NRG3: variants seen among roughly 807,000 people sequenced by gnomAD.
NRG3 encodes pro-neuregulin-3, membrane-bound isoform.
Under a neutral mutation model 66.9 loss-of-function variants are expected in NRG3, and 31 were observed. The ratio of observed to expected loss-of-function variants is 0.46; its 90% CI spans 0.35 to 0.63. NRG3 has a LOEUF of 0.63. NRG3 is among the 20% of genes least tolerant of loss of function. The pLI, the probability that NRG3 is intolerant of heterozygous loss-of-function variation, is 0.00. For missense variants in NRG3, 910 were observed against 878.9 expected (o/e 1.04, Z -0.45); for synonymous variants, 393 against 359.4 (o/e 1.09, Z -1.06).
intron 1 of NRG3, among the ~76,000 whole-genome samples, chr10:82,124,403 C>T (rs1465482724): frequency 2.0e-5 from 3 of 151,884 alleles, no homozygotes; most frequent in African/African-American, 7.3e-5. Context: ...ATGAAGTTCT[C>T]CCAAAATATA....
At chr10:82,468,891 G>T (rs982525252) in intron 2 of NRG3, among the ~76,000 whole-genome samples, 22 of 152,102 alleles carry the variant, frequency 1.4e-4, no homozygotes, top group African/African-American at 4.8e-4. Flanking sequence ...GAAAGAAAAA[G>T]AATCTTTGTA....
intron 2 of NRG3, among the ~76,000 whole-genome samples, chr10:82,411,225 C>T (rs976065829): frequency 4.6e-5 from 7 of 151,892 alleles, no homozygotes; most frequent in African/African-American, 1.5e-4. Flanking sequence ...GCTCCTGGCC[C>T]AGTGTTTTTT....
intron 4 of NRG3, among the ~76,000 whole-genome samples, chr10:82,889,090 A>G (rs1022860541): frequency 3.3e-5 from 5 of 152,160 alleles, no homozygotes; most frequent in Admixed American, 3.3e-4. Flanking sequence ...GGCTTTGAAC[A>G]CAGGAATGAC....
intron 3 of NRG3, among the ~76,000 whole-genome samples, chr10:82,828,654 A>G (rs1158864490): frequency 3.9e-5 from 6 of 152,200 alleles, no homozygotes; most frequent in Non-Finnish European, 8.8e-5. Flanking sequence ...TTACCATTAC[A>G]CATTTTTTAA....
At chr10:82,921,957 A>G (rs1462612609) in intron 4 of NRG3, among the ~76,000 whole-genome samples, 1 of 152,182 alleles carries the variant, frequency 6.6e-6, no homozygotes, top group Non-Finnish European at 1.5e-5. Flanking sequence ...AAAGATTTAA[A>G]TAATTTCATG....
intron 1 of NRG3, chr10:82,232,216 CA>C (rs1227436834): frequency 1.3e-5 from 2 of 152,742 alleles, no homozygotes; most frequent in Non-Finnish European, 2.9e-5. Context: ...AGATAAGCTC[CA>C]GTGTATGCAG....
chr10:82,209,371 A>G (rs1253879903), intron 1 of NRG3, among the ~76,000 whole-genome samples: 1 of 152,104 alleles, frequency 6.6e-6, no homozygotes, highest in African/African-American at 2.4e-5. Flanking sequence ...GAAACGTCAT[A>G]TTTTCTAATT....
chr10:82,749,108 G>A lies in NRG3; in HGVS notation c.1027+10458G>A, dbSNP rs1352401922. Among the ~76,000 whole-genome samples, 3 of 152,200 alleles carry A rather than the reference G, an allele frequency of 2.0e-5. No homozygotes were observed. The East Asian group carries it at 5.8e-4, about 29-fold the overall frequency. On this transcript the variant is annotated intron_variant, in intron 3 of 8. Coordinates refer to ENST00000372141, the MANE Select transcript of NRG3 (RefSeq NM_001010848.4). ...TGTGTAAAACTTGAGGGCTTGGAGA[G>A]AGGAGGGTTTTATTTAGTTTTGTCT...
At chr10:82,393,647 A>G (rs967055708) in intron 2 of NRG3, among the ~76,000 whole-genome samples, 12 of 152,198 alleles carry the variant, frequency 7.9e-5, no homozygotes, top group African/African-American at 2.9e-4. Flanking sequence ...TCATATCACC[A>G]GAAACATAAG....
intron 1 of NRG3, among the ~76,000 whole-genome samples, chr10:81,986,567 A>G (rs1319345711): frequency 6.6e-6 from 1 of 152,244 alleles, no homozygotes; most frequent in Non-Finnish European, 1.5e-5. Flanking sequence ...ATAAAACCTT[A>G]AAACTTTCAA....
At chr10:81,877,819 C>T (rs900780826) in intron 1 of NRG3, 4 of 1,424,460 alleles carry the variant, frequency 2.8e-6, no homozygotes, top group Non-Finnish European at 3.7e-6. Context: ...TTAGAGCCTC[C>T]ACTCAACAAA....
At chr10:82,611,338 T>C (rs2048299561) in intron 2 of NRG3, among the ~76,000 whole-genome samples, 1 of 152,112 alleles carries the variant, frequency 6.6e-6, no homozygotes, top group Non-Finnish European at 1.5e-5. Context: ...TACATAGGTA[T>C]ACATGTGCCC....
Position 82,709,714 on chromosome 10 carries a change from T to C in NRG3, c.954-28863T>C, listed in dbSNP as rs149743887. Among the ~76,000 whole-genome samples the C allele has an allele frequency of 4.5e-3, 683 of 152,240 alleles. 5 individuals carry two copies. Among genetic ancestry groups the C allele is most frequent in the African/African-American group, 0.015 (620 of 41,550 alleles). ...GGATGAGCCACATACCATGTCCCAC[T>C]AGTTGCAAGCAGAAAGCCTTACTTT... On this transcript the variant is annotated intron_variant, in intron 2 of 8. Coordinates refer to ENST00000372141, the MANE Select transcript of NRG3 (RefSeq NM_001010848.4).
intron 1 of NRG3, among the ~76,000 whole-genome samples, chr10:81,986,908 C>T (rs933761858): frequency 3.3e-5 from 5 of 152,104 alleles, no homozygotes; most frequent in Middle Eastern, 3.2e-3. Flanking sequence ...ACTTGAACTC[C>T]TGAACTTAAG....
In NRG3 at chr10:82,773,472, A is replaced by G. The variant is rs78030294; in HGVS notation, c.1027+34822A>G. Among the ~76,000 whole-genome samples, 508 of 152,268 alleles carry G rather than the reference A, an allele frequency of 3.3e-3. 2 individuals are homozygous for G. The highest frequency in any genetic ancestry group is 8.0e-3 in the Admixed American group (122 of 15,270). On this transcript the variant is annotated intron_variant, in intron 3 of 8. Transcript: ENST00000372141. ...ATCGGGTTGTAAATGATCTTAATAAATTTTGGATATTAATCCCTTATCAGA... is the reference window on the plus strand; with the variant it reads ...ATCGGGTTGTAAATGATCTTAATAAGTTTTGGATATTAATCCCTTATCAGA...
At chr10:82,152,814 C>CTCTCTTTTTCTTTCTCTT (rs1219024736) in intron 1 of NRG3, among the ~76,000 whole-genome samples, 1 of 150,304 alleles carries the variant, frequency 6.7e-6, no homozygotes, top group East Asian at 2.0e-4. Context: ...TCCCCTCTCT[C>CTCTCTTTTTCTTTCTCTT]TCTCTTTTTC....
At chr10:82,270,933 G>A (rs1010948946) in intron 1 of NRG3, among the ~76,000 whole-genome samples, 4 of 152,080 alleles carry the variant, frequency 2.6e-5, no homozygotes, top group Admixed American at 6.6e-5. Flanking sequence ...GTTTCATTTT[G>A]ATTATGATAG....
chr10:82,945,905 G>T (rs1289462250), intron 4 of NRG3, among the ~76,000 whole-genome samples: 1 of 152,134 alleles, frequency 6.6e-6, no homozygotes, highest in Non-Finnish European at 1.5e-5. Flanking sequence ...ACGAAAGGAG[G>T]ATGTGTTTAA....
intron 2 of NRG3, among the ~76,000 whole-genome samples, chr10:82,482,478 G>T (rs1564973847): frequency 1.3e-5 from 2 of 152,186 alleles, no homozygotes; most frequent in South Asian, 4.1e-4. Context: ...TAAGATTTGG[G>T]TTTCTATTCC....
Sources: allele counts gnomAD v4.1 joint callset (sites outside exome capture counted in the v4.1 genomes callset), GRCh38; gene constraint gnomAD v4.1.1; transcripts MANE v1.5; gene names NCBI Gene and HGNC (gene_info 2026-07-23, HGNC 2026-07-21).